Variants in PACRGL observed in about 807,000 individuals in gnomAD.
PACRGL encodes the protein PACRG-like protein.
A neutral mutation model predicts 34.5 loss-of-function variants in PACRGL; 38 were observed. That is an observed-to-expected ratio of 1.10 (90% CI 0.85 to 1.44). The LOEUF is 1.44. Among genes scored for constraint, PACRGL ranks in the 40% most tolerant of loss-of-function variants. The pLI is 0.00. For missense variants in PACRGL, 305 were observed against 281.4 expected (o/e 1.08, Z -0.60); for synonymous variants, 128 against 100.1 (o/e 1.28, Z -1.66).
At chr4:20,715,020 A>C (rs1560328566) in intron 7 of PACRGL, among the ~76,000 whole-genome samples, 1 of 152,250 alleles carries the variant, frequency 6.6e-6, no homozygotes, top group Non-Finnish European at 1.5e-5. Context: ...ACTTGGAACC[A>C]ACCCAAATGT....
At chr4:20,715,830 A>G (rs765347806) in intron 7 of PACRGL, among the ~76,000 whole-genome samples, 4 of 152,140 alleles carry the variant, frequency 2.6e-5, no homozygotes, top group Admixed American at 6.6e-5. Context: ...GTGACAGTGC[A>G]TGCCAGCCTG....
chr4:20,741,897 G>C (rs1321958522), intron 8 of PACRGL, among the ~76,000 whole-genome samples: 2 of 152,172 alleles, frequency 1.3e-5, no homozygotes, highest in Non-Finnish European at 1.5e-5. Context: ...TATCACCACT[G>C]ATCCCACAGA....
At chr4:20,709,593 A>C (rs778714884) in intron 4 of PACRGL, 90 bp from the exon 5 acceptor site, 20 of 777,854 alleles carry the variant, frequency 2.6e-5, no homozygotes, top group Non-Finnish European at 4.1e-5. Flanking sequence ...TACAAAATAA[A>C]TCTGATATGG....
intron 8 of PACRGL, 53 bp from the exon 9 acceptor site, chr4:20,727,232 A>G: frequency 1.4e-6 from 2 of 1,458,624 alleles, no homozygotes; most frequent in East Asian, 2.3e-5. Context: ...TATAATACCT[A>G]TTAGGGGAAC....
chr4:20,704,890 G>A (rs888776630), intron 3 of PACRGL, 76 bp downstream of exon 3: 4 of 1,505,506 alleles, frequency 2.7e-6, no homozygotes, highest in Non-Finnish European at 2.7e-6. Flanking sequence ...GCTGGATGCT[G>A]TGTTGAGTTT....
chr4:20,747,620 A>T (rs1752648112), intron 8 of PACRGL, among the ~76,000 whole-genome samples: 1 of 152,012 alleles, frequency 6.6e-6, no homozygotes, highest in Non-Finnish European at 1.5e-5. Context: ...GACTTAGTTC[A>T]TTCCCTCACC....
intron 1 of PACRGL, among the ~76,000 whole-genome samples, chr4:20,703,728 T>G (rs1364438688): frequency 2.6e-5 from 4 of 152,128 alleles, no homozygotes; most frequent in African/African-American, 9.7e-5. Flanking sequence ...TTTAAACAGG[T>G]CAGGAAGTCG....
At chr4:20,732,835 C>T (rs374807850), downstream of PACRGL, 36 of 1,126,856 alleles carry the variant, frequency 3.2e-5, no homozygotes, top group African/African-American at 5.3e-4. Flanking sequence ...TATGAAGAAA[C>T]CAGTCTAAGA....
In PACRGL at chr4:20,700,560, G is replaced by A. The variant is rs1266599733; in HGVS notation, c.-244G>A. On this transcript the variant is annotated 5_prime_UTR_variant, in exon 1 of 9. Transcript: ENST00000503585. The stretch of plus-strand genomic sequence containing the variant: ...GTGGGGGGCAGCTGGTGTGCGGATC[G>A]CGGCGGGAGAGAGGCGCGGTAGGAA... The A allele has an allele frequency of 1.3e-5, 2 of 152,082 alleles. No individual in the cohort carries two copies. Among genetic ancestry groups the A allele is most frequent in the African/African-American group, 4.8e-5 (2 of 41,424 alleles). The allele number at this position is 152,082 out of a possible 1,614,324, so 9.4% of individuals were successfully genotyped here.
intron 8 of PACRGL, among the ~76,000 whole-genome samples, chr4:20,748,560 T>TTATATATA (rs3075750): frequency 4.9e-4 from 32 of 64,874 alleles, no homozygotes; most frequent in Non-Finnish European, 6.7e-4. Flanking sequence ...CTTCCAAATT[T>TTATATATA]TATATATATA....
intron 7 of PACRGL, among the ~76,000 whole-genome samples, chr4:20,723,453 G>A (rs1370544083): frequency 6.6e-6 from 1 of 151,260 alleles, no homozygotes; most frequent in Admixed American, 6.6e-5. Context: ...GTTTTTGCAG[G>A]TGGGTGGGGG....
At position 20,704,746 on chromosome 4, in the gene PACRGL, T is replaced by G. The variant is rs1280108823; in HGVS notation, c.139T>G (p.Ser47Ala). Residue 47 changes from serine (S) to alanine (A), a missense_variant, in exon 3 of 9, where the codon TCT becomes GCT. Physicochemically the swap from Ser to Ala is moderately conservative, Grantham distance 99 (BLOSUM62 1). Coordinates refer to ENST00000503585, the MANE Select transcript of PACRGL (RefSeq NM_001258345.3). ...AAGCAAATCCTCATTGTCAACCAGT[T>G]CTCCAGAGTCTGCAAGAAAACTTCA... The part of the protein sequence containing the change: ...QGSKSSLSTS[S>A]PESARKLHPR... The G allele has an allele frequency of 6.2e-7, 1 of 1,614,020 alleles. No homozygotes were observed. Among genetic ancestry groups the G allele is most frequent in the South Asian group, 1.1e-5 (1 of 91,078 alleles).
downstream of PACRGL, chr4:20,752,868 T>A (rs1753888970): frequency 6.6e-6 from 1 of 152,234 alleles, no homozygotes; most frequent in African/African-American, 2.4e-5. Flanking sequence ...ACTGTGTTCT[T>A]AAGCACTCAA....
rs1340493167 is a variant in PACRGL at position 20,730,792 on chromosome 4, G to GC, written c.*3452dup. Among the ~76,000 whole-genome samples the GC allele has an allele frequency of 6.6e-6, 1 of 152,134 alleles. No homozygotes were observed. The highest frequency in any genetic ancestry group is 6.6e-5 in the Admixed American group (1 of 15,264). The stretch of plus-strand genomic sequence containing the variant: ...AAATGAGTTAGGGGACAGACTTTGG[G>GC]CATTATTGGAGCACTTGTCAGTTGC... On this transcript the variant is annotated 3_prime_UTR_variant, in exon 9 of 9. Transcript: ENST00000503585.
At chr4:20,726,641 C>T (rs921120841) in intron 8 of PACRGL, among the ~76,000 whole-genome samples, 3 of 152,096 alleles carry the variant, frequency 2.0e-5, no homozygotes, top group Non-Finnish European at 4.4e-5. Context: ...TGAGTGTTCT[C>T]AGTTGTGGTT....
downstream of PACRGL, among the ~76,000 whole-genome samples, chr4:20,732,956 C>T (rs568688420): frequency 6.6e-6 from 1 of 152,284 alleles, no homozygotes; most frequent in South Asian, 2.1e-4. Context: ...AAACAGCTTT[C>T]TGCCTTAAGA....
the PACRGL span, among the ~76,000 whole-genome samples, chr4:20,766,377 A>T: frequency 1.3e-5 from 2 of 152,088 alleles, no homozygotes; most frequent in African/African-American, 2.4e-5. Flanking sequence ...ACCAGCTTGG[A>T]CAACATGGTG....
At chr4:20,749,222 T>G (rs1291886373) in intron 8 of PACRGL, among the ~76,000 whole-genome samples, 2 of 151,944 alleles carry the variant, frequency 1.3e-5, no homozygotes, top group African/African-American at 2.4e-5. Context: ...AGAGATTTCC[T>G]CGTAGAATTG....
intron 3 of PACRGL, among the ~76,000 whole-genome samples, chr4:20,706,653 G>A (rs552687435): frequency 9.2e-5 from 14 of 151,596 alleles, no homozygotes; most frequent in Non-Finnish European, 7.4e-5. Context: ...TTGGTTCACT[G>A]CAAACTCCGC....
Sources: gnomAD v4.1 joint callset for allele counts (sites outside exome capture counted in the v4.1 genomes callset) on GRCh38, gnomAD v4.1.1 for gene constraint, MANE v1.5 for transcripts, NCBI Gene and HGNC (gene_info 2026-07-23, HGNC 2026-07-21) for gene names.